The following AGBL4 variants were observed in gnomAD, a reference collection of about 807,000 sequenced individuals.
The protein encoded by AGBL4 is AGBL carboxypeptidase 4.
Under a neutral mutation model 66.4 loss-of-function variants are expected in AGBL4, and 58 were observed. The observed-to-expected ratio is 0.87, with a 90% CI of 0.71 to 1.09. The LOEUF (loss-of-function observed/expected upper bound fraction) is 1.09, where lower values mean the gene tolerates loss of function less well. Ranked by LOEUF, AGBL4 falls within the 50% of genes least tolerant of loss-of-function variation. The pLI, the probability that AGBL4 is intolerant of heterozygous loss-of-function variation, is 0.00. For synonymous variants in AGBL4, 234 were observed against 222.9 expected, an observed-to-expected ratio of 1.05 and a Z score of -0.44; for missense variants, 579 against 631.0, an observed-to-expected ratio of 0.92 and a Z score of 0.88.
chr1:49,178,196 A>C (rs1331753900), intron 4 of AGBL4, among the ~76,000 whole-genome samples: 1 of 152,156 alleles, frequency 6.6e-6, no homozygotes, highest in African/African-American at 2.4e-5. Flanking sequence ...CACACCCCTG[A>C]ACCTCAGGTT....
rs545786609 is a variant in AGBL4, at chr1:49,246,180, T to C, written c.283-316A>G. On this transcript the variant is annotated intron_variant, in intron 3 of 13. Transcript: ENST00000371839. ...GAAAAATGTGAATAATAACAGTACC[T>C]ACTTCACAGGACTCTGATGATAATT... Among the ~76,000 whole-genome samples the C allele has an allele frequency of 3.9e-5, 6 of 152,086 alleles. No homozygotes were observed. In the South Asian group the frequency reaches 1.2e-3, roughly 31 times the overall value.
chr1:49,981,205 C>T (rs576807113), intron 1 of AGBL4, among the ~76,000 whole-genome samples: 9 of 152,250 alleles, frequency 5.9e-5, no homozygotes, highest in South Asian at 2.1e-4. Context: ...ATTCTGTACA[C>T]GCTTGCTTTA....
rs553446480 is a variant in AGBL4, at chr1:49,350,194, T to TG, written c.283-104331_283-104330insC. 3.2e-3 allele frequency among the ~76,000 whole-genome samples: 487 copies of TG among 151,896 alleles called. 2 individuals are homozygous for TG. The highest frequency in any genetic ancestry group is 6.4e-3 in the South Asian group (31 of 4,812). On this transcript the variant is annotated intron_variant, in intron 3 of 13. Transcript: ENST00000371839. ...ATACTTCAATGAATATTTGTTTTTT[T>TG]TTTTGTTTTGTTTTGTTTTTTTTTT...
At position 49,697,420 on chromosome 1, in the gene AGBL4, C is replaced by G; in HGVS notation, c.175G>C (p.Asp59His). The G allele has an allele frequency of 6.6e-7, 1 of 1,520,556 alleles. No individual in the cohort carries two copies. Among genetic ancestry groups the G allele is most frequent in the Non-Finnish European group, 8.9e-7 (1 of 1,123,614 alleles). 94.2% of individuals were successfully genotyped at this position (1,520,556 alleles called of 1,614,324 possible). ...TCATACTCAAACTCAGAGACCTGGT[C>G]CACCCGGCCCAGGTTACCTGGTAAT... ...CFESGNLGRV[D>H]QVSEFEYDLF... Residue 59 changes from aspartate (D) to histidine (H), a missense_variant, in exon 3 of 14, where the codon GAC (aspartate) becomes CAC (histidine). By Grantham distance (81) the Asp-to-His change is moderately conservative (BLOSUM62 -1). Coordinates refer to ENST00000371839, the MANE Select transcript of AGBL4 (RefSeq NM_032785.4).
chr1:49,169,841 T>G (rs1273924991), intron 4 of AGBL4, among the ~76,000 whole-genome samples: 1 of 152,174 alleles, frequency 6.6e-6, no homozygotes, highest in Non-Finnish European at 1.5e-5. Flanking sequence ...AATCCAAGTT[T>G]GCATAAAGAC....
intron 4 of AGBL4, among the ~76,000 whole-genome samples, chr1:49,227,954 A>G (rs1171311915): frequency 6.6e-6 from 1 of 151,864 alleles, no homozygotes; most frequent in Non-Finnish European, 1.5e-5. Context: ...CTTACATCCT[A>G]CCCTTCCAGC....
intron 3 of AGBL4, among the ~76,000 whole-genome samples, chr1:49,323,430 C>T (rs377077120): frequency 1.3e-4 from 20 of 151,286 alleles, no homozygotes; most frequent in African/African-American, 4.1e-4. Context: ...TACAGGCGCA[C>T]GCCGCCATGC....
At chr1:49,500,053 T>A (rs975538230) in intron 3 of AGBL4, among the ~76,000 whole-genome samples, 7 of 152,100 alleles carry the variant, frequency 4.6e-5, no homozygotes, top group African/African-American at 1.7e-4. Context: ...TTTGATTTTT[T>A]AAATTATGGC....
intron 2 of AGBL4, among the ~76,000 whole-genome samples, chr1:49,735,395 G>A (rs1377824813): frequency 6.6e-6 from 1 of 150,560 alleles, no homozygotes; most frequent in African/African-American, 2.4e-5. Context: ...AAAGACCCAT[G>A]AGTCAAAGAA....
chr1:49,884,223 C>T (rs939729340), intron 1 of AGBL4, among the ~76,000 whole-genome samples: 3 of 152,016 alleles, frequency 2.0e-5, no homozygotes, highest in Admixed American at 2.0e-4. Context: ...ACTTCAGATA[C>T]ATACTGCAGT....
intron 1 of AGBL4, among the ~76,000 whole-genome samples, chr1:49,903,653 T>C (rs1001520056): frequency 6.6e-6 from 1 of 152,146 alleles, no homozygotes; most frequent in Non-Finnish European, 1.5e-5. Flanking sequence ...ATAGATGAAA[T>C]ATCTATTACA....
chr1:48,568,291 TTCTCTC>T (rs151060894), intron 11 of AGBL4, among the ~76,000 whole-genome samples: 4 of 148,402 alleles, frequency 2.7e-5, no homozygotes, highest in South Asian at 4.3e-4. Flanking sequence ...AACAACACTC[TTCTCTC>T]TCTCTCTCTC....
At chr1:49,292,443 C>T (rs907931914) in intron 3 of AGBL4, among the ~76,000 whole-genome samples, 6 of 152,176 alleles carry the variant, frequency 3.9e-5, no homozygotes, top group African/African-American at 7.2e-5. Context: ...GGGGAACTTA[C>T]GGTCCCTTTT....
chr1:48,792,118 G>A (rs1488037899), intron 6 of AGBL4, among the ~76,000 whole-genome samples: 1 of 152,156 alleles, frequency 6.6e-6, no homozygotes, highest in Non-Finnish European at 1.5e-5. Flanking sequence ...AACATGACTT[G>A]TGTCTTATAA....
rs1654673863 is a variant in AGBL4, at chr1:49,940,789, C to T, written c.34+82974G>A. The stretch of plus-strand genomic sequence containing the variant: ...ATGGGTGCAGCACACCAGCATGGCA[C>T]ATGTATACATATGTAACTAACCTGC... On this transcript the variant is annotated intron_variant, in intron 1 of 13. Transcript: ENST00000371839. 2.0e-5 allele frequency among the ~76,000 whole-genome samples: 3 copies of T among 151,944 alleles called. No homozygotes were observed. The South Asian group carries it at 6.2e-4, about 32-fold the overall frequency.
At chr1:49,379,044 G>A (rs542556174) in intron 3 of AGBL4, among the ~76,000 whole-genome samples, 3 of 152,148 alleles carry the variant, frequency 2.0e-5, no homozygotes, top group Non-Finnish European at 4.4e-5. Context: ...AGGAAAATGT[G>A]GTAGGCCTAT....
chr1:49,790,117 G>A (rs188775416), intron 2 of AGBL4, among the ~76,000 whole-genome samples: 9 of 152,228 alleles, frequency 5.9e-5, no homozygotes, highest in Admixed American at 3.3e-4. Flanking sequence ...GGTGGCTCAC[G>A]CCTGTAATCC....
intron 3 of AGBL4, among the ~76,000 whole-genome samples, chr1:49,587,551 C>A (rs963718076): frequency 6.6e-6 from 1 of 152,124 alleles, no homozygotes; most frequent in Non-Finnish European, 1.5e-5. Flanking sequence ...CTGGCTTGAA[C>A]TAAATTAAAT....
At chr1:48,614,740 ATAACTC>A (rs1645291647) in intron 9 of AGBL4, among the ~76,000 whole-genome samples, 1 of 152,212 alleles carries the variant, frequency 6.6e-6, no homozygotes, top group African/African-American at 2.4e-5. Context: ...AAAGAGAAAA[ATAACTC>A]TAAAACAAAG....
Sources: gnomAD v4.1 joint callset for allele counts (sites outside exome capture counted in the v4.1 genomes callset) on GRCh38, gnomAD v4.1.1 for gene constraint, MANE v1.5 for transcripts, NCBI Gene and HGNC (gene_info 2026-07-23, HGNC 2026-07-21) for gene names.